Variants in AFF1 observed in about 807,000 individuals in gnomAD.
AFF1 encodes AF4/FMR2 family member 1.
In AFF1, 48 loss-of-function variants were observed where a neutral mutation model predicts 121.7. The ratio of observed to expected loss-of-function variants is 0.39; its 90% confidence interval spans 0.31 to 0.50. The LOEUF is 0.50. Among genes scored for constraint, AFF1 ranks in the 20% least tolerant of loss-of-function variants. The probability of loss-of-function intolerance (pLI) is 0.76; values close to 1 mark genes in which losing one functional copy is unlikely to be tolerated. For missense variants in AFF1, 1,523 were observed against 1,511.7 expected, an observed-to-expected ratio of 1.01 and a Z score of -0.12; for synonymous variants, 613 against 563.0, an observed-to-expected ratio of 1.09 and a Z score of -1.26.
At chr4:87,120,467 A>G (rs1188159482) in intron 12 of AFF1, among the ~76,000 whole-genome samples, 1 of 152,248 alleles carries the variant, frequency 6.6e-6, no homozygotes, top group Admixed American at 6.5e-5. Context: ...GATGAGATCC[A>G]AAAAGGCACT....
At chr4:86,998,204 C>G (rs1725392804) in intron 2 of AFF1, among the ~76,000 whole-genome samples, 1 of 150,908 alleles carries the variant, frequency 6.6e-6, no homozygotes, top group Non-Finnish European at 1.5e-5. Context: ...ATTTTAGCTT[C>G]ATGAGAGATA....
rs373327210 is a variant in AFF1 at position 87,032,158 on chromosome 4, G to A, written c.39-14008G>A. Reference sequence around the variant, plus strand: ...CAATGACTTACTGTTTAGCTTTAAGGAGATGCCAATTATAGCGGGTAGTAG... The same window carrying A: ...CAATGACTTACTGTTTAGCTTTAAGAAGATGCCAATTATAGCGGGTAGTAG... On this transcript the variant is annotated intron_variant, in intron 2 of 20. Coordinates refer to ENST00000395146, the MANE Select transcript of AFF1 (RefSeq NM_001166693.3). Among the ~76,000 whole-genome samples the A allele has an allele frequency of 1.4e-4, 22 of 152,334 alleles. No individual in the cohort carries two copies. The East Asian group carries it at 1.7e-3, about 12-fold the overall frequency.
At chr4:86,960,572 C>T (rs1302403709) in intron 2 of AFF1, among the ~76,000 whole-genome samples, 1 of 152,138 alleles carries the variant, frequency 6.6e-6, no homozygotes, top group Non-Finnish European at 1.5e-5. Context: ...TGTGTAGTTA[C>T]AAGGCTTTGA....
Position 87,075,522 on chromosome 4 carries a change from C to T in AFF1, c.1060-8598C>T, listed in dbSNP as rs1722565366. Among the ~76,000 whole-genome samples the T allele has an allele frequency of 2.0e-5, 3 of 152,268 alleles. No homozygotes were observed. In the South Asian group the frequency reaches 6.2e-4, roughly 32 times the overall value. ...AGTATTATTTCTTCATCTTCTATCT[C>T]AAGGAAGCGTACGTACATCCTTTCT... is the stretch of plus-strand genomic sequence containing the variant. On this transcript the variant is annotated intron_variant, in intron 4 of 20. Transcript: ENST00000395146.
chr4:86,953,992 T>C (rs1721567865), intron 2 of AFF1, among the ~76,000 whole-genome samples: 1 of 152,166 alleles, frequency 6.6e-6, no homozygotes, highest in African/African-American at 2.4e-5. Context: ...ATTACAGGCG[T>C]GAGCCACCGT....
At chr4:87,063,194 G>A (rs904171486) in intron 4 of AFF1, among the ~76,000 whole-genome samples, 20 of 126,134 alleles carry the variant, frequency 1.6e-4, no homozygotes, top group Non-Finnish European at 2.5e-4. Flanking sequence ...TTATTTTAAC[G>A]TTGTCTAAAT....
At chr4:87,062,820 A>G (rs1361438408) in intron 4 of AFF1, among the ~76,000 whole-genome samples, 9 of 152,196 alleles carry the variant, frequency 5.9e-5, no homozygotes, top group African/African-American at 1.9e-4. Context: ...ACAGCATGTT[A>G]TTCATTGGAT....
intron 1 of AFF1, among the ~76,000 whole-genome samples, chr4:86,939,437 A>G (rs1720295566): frequency 6.6e-6 from 1 of 152,210 alleles, no homozygotes. Context: ...TCTGATCACT[A>G]TGGGAATAAA....
At position 87,138,678 on chromosome 4, in the gene AFF1, T is replaced by G. The variant is rs1729491829; in HGVS notation, c.*2977T>G. On this transcript the variant is annotated 3_prime_UTR_variant, in exon 21 of 21. Coordinates refer to ENST00000395146, the MANE Select transcript of AFF1 (RefSeq NM_001166693.3). The stretch of plus-strand genomic sequence containing the variant: ...ATACTGGGTTCGGATTGTGAAAACA[T>G]TGGCCACCTAGTAGCAGTGGTGAGG... 1 of 231,420 alleles carries G rather than the reference T, an allele frequency of 4.3e-6. No individual in the cohort carries two copies. The highest frequency in any genetic ancestry group is 2.2e-5 in the African/African-American group (1 of 45,232). The allele number at this position is 231,420 out of a possible 1,614,324, so 14.3% of individuals were successfully genotyped here. A position where few individuals can be genotyped will look rare whatever the true frequency, so the allele number is the denominator to read the frequency against.
chr4:87,024,990 C>T (rs1288581191), intron 2 of AFF1, among the ~76,000 whole-genome samples: 1 of 152,208 alleles, frequency 6.6e-6, no homozygotes, highest in Non-Finnish European at 1.5e-5. Context: ...TGCATGCATC[C>T]CTTCACCTCT....
At chr4:87,002,425 G>GTTTTTTTTTTTTTTTTTTTTTTTTTTTT in intron 2 of AFF1, among the ~76,000 whole-genome samples, 1 of 68,140 alleles carries the variant, frequency 1.5e-5, no homozygotes, top group Non-Finnish European at 2.8e-5. Context: ...GGGCAATGAA[G>GTTTTTTTTTTTTTTTTTTTTTTTTTTTT]TTTTTTTTTT....
intron 2 of AFF1, among the ~76,000 whole-genome samples, chr4:86,969,015 C>T (rs75259667): frequency 6.6e-6 from 1 of 152,092 alleles, no homozygotes; most frequent in African/African-American, 2.4e-5. Flanking sequence ...TTTGTAGGAG[C>T]AGAAGATTGT....
rs946682363 is a variant in AFF1 at position 86,958,711 on chromosome 4, C to G, written c.38+10140C>G. Among the ~76,000 whole-genome samples, 7 of 152,020 alleles carry G rather than the reference C, an allele frequency of 4.6e-5. 1 individual carries two copies. Among genetic ancestry groups the G allele is most frequent in the Admixed American group, 1.3e-4 (2 of 15,262 alleles). ...CCAGCCTGGGAGACAGAGTAAGACT[C>G]TCTCAAAAAAATAAAATAAAATAAA... On this transcript the variant is annotated intron_variant, in intron 2 of 20. Transcript: ENST00000395146.
At chr4:87,077,059 T>G (rs1318540627) in intron 4 of AFF1, among the ~76,000 whole-genome samples, 1 of 152,236 alleles carries the variant, frequency 6.6e-6, no homozygotes, top group African/African-American at 2.4e-5. Flanking sequence ...CATTGTCTTA[T>G]TTCTTCCTCA....
intron 12 of AFF1, among the ~76,000 whole-genome samples, chr4:87,120,473 G>A (rs533287523): frequency 6.6e-6 from 1 of 152,306 alleles, no homozygotes; most frequent in East Asian, 1.9e-4. Context: ...ATCCAAAAAG[G>A]CACTAACATG....
intron 13 of AFF1, 64 bp from the exon 14 acceptor site, chr4:87,126,033 CTA>C: frequency 6.7e-7 from 1 of 1,499,622 alleles, no homozygotes; most frequent in South Asian, 1.2e-5. Context: ...CAGTTTGTAA[CTA>C]AACAACGAAG....
At chr4:86,977,632 G>A (rs1186553059) in intron 2 of AFF1, among the ~76,000 whole-genome samples, 2 of 152,038 alleles carry the variant, frequency 1.3e-5, no homozygotes, top group East Asian at 1.9e-4. Context: ...CTGCTGTGGC[G>A]TTTTCCTATT....
At chr4:87,061,313 T>C (rs539843387) in intron 4 of AFF1, among the ~76,000 whole-genome samples, 4 of 152,336 alleles carry the variant, frequency 2.6e-5, no homozygotes, top group African/African-American at 9.6e-5. Flanking sequence ...CCCTCCAGGC[T>C]GAGGACCTAT....
chr4:86,965,174 A>T (rs1351193519), intron 2 of AFF1, among the ~76,000 whole-genome samples: 1 of 152,248 alleles, frequency 6.6e-6, no homozygotes, highest in Non-Finnish European at 1.5e-5. Flanking sequence ...TTGTTGACTC[A>T]ACTGTTGAAA....
Sources: gnomAD v4.1 joint callset for allele counts (sites outside exome capture counted in the v4.1 genomes callset) on GRCh38, gnomAD v4.1.1 for gene constraint, MANE v1.5 for transcripts, NCBI Gene and HGNC (gene_info 2026-07-23, HGNC 2026-07-21) for gene names.